COL16A1: variants seen among roughly 807,000 people sequenced by gnomAD.
The protein encoded by COL16A1 is collagen type XVI alpha 1 chain, also known as collagen alpha-1(XVI) chain.
COL16A1 carries 189 observed loss-of-function variants against 266.3 expected under a neutral mutation model. The ratio of observed to expected loss-of-function variants is 0.71; its 90% CI spans 0.63 to 0.80. The LOEUF is 0.80. Ranked by LOEUF, COL16A1 falls within the 30% of genes least tolerant of loss-of-function variation. COL16A1 has a pLI of 0.00. For missense variants in COL16A1, 1,928 were observed against 2,122.4 expected (o/e 0.91, Z 1.80); for synonymous variants, 740 against 782.3 (o/e 0.95, Z 0.90).
At chr1:31,701,451 G>A in intron 2 of COL16A1, 3 of 985,396 alleles carry the variant, frequency 3.0e-6, no homozygotes, top group South Asian at 9.4e-5. Flanking sequence ...CTGGGTTTGG[G>A]TCCTAGGAGT....
At chr1:31,683,311 C>A in intron 35 of COL16A1, 23 bp downstream of exon 35, 2 of 1,614,218 alleles carry the variant, frequency 1.2e-6, no homozygotes, top group Non-Finnish European at 1.7e-6. Context: ...TGCTATCCTC[C>A]TTCAGGACTC....
At position 31,672,814 on chromosome 1, in the gene COL16A1, C is replaced by A. The variant is rs745890712; in HGVS notation, c.2886G>T (p.Gly962=). The A allele has an allele frequency of 6.2e-7, 1 of 1,614,066 alleles. No homozygotes were observed. Among genetic ancestry groups the A allele is most frequent in the South Asian group, 1.1e-5 (1 of 91,076 alleles). ...LKSICGDCVQ[G]QRAHPGYLVE... The stretch of plus-strand genomic sequence containing the variant: ...CGAGGTACCCTGGGTGGGCCCTCTG[C>A]CCCTGGACACAGTCCCCGCAGATAC... Residue 962 remains glycine (G), a synonymous_variant, in exon 45 of 71, where the codon GGG becomes GGT. Coordinates refer to ENST00000373672, the MANE Select transcript of COL16A1 (RefSeq NM_001856.4).
In COL16A1 at chr1:31,670,250, G is replaced by T. The variant is rs893752149; in HGVS notation, c.3195+352C>A. 3.6e-6 allele frequency: 1 copy of T among 274,284 alleles called. No homozygotes were observed. The highest frequency in any genetic ancestry group is 2.2e-5 in the African/African-American group (1 of 45,264). 17.0% of individuals were successfully genotyped at this position (274,284 alleles called of 1,614,324 possible). The stretch of plus-strand genomic sequence containing the variant: ...AGAGCGAGAAGGCAGGAATGGAGGG[G>T]CCCCCTAGAGGCACCAGCTTAAGAG... On this transcript the variant is annotated intron_variant, in intron 49 of 70. Coordinates refer to ENST00000373672, the MANE Select transcript of COL16A1 (RefSeq NM_001856.4). The surrounding 1 kb of genome is among the most constrained non-coding windows in gnomAD (Gnocchi z 4.5).
At chr1:31,658,341 C>A in intron 64 of COL16A1, 147 bp downstream of exon 64, 1 of 723,912 alleles carries the variant, frequency 1.4e-6, no homozygotes, top group Non-Finnish European at 2.4e-6. Context: ...TCAGCATGAT[C>A]CTCAGGCCCG....
Position 31,690,800 on chromosome 1 carries a change from A to C in COL16A1, c.1438-227T>G, listed in dbSNP as rs144905507. ...AAATGAAGCTTCTGTGTGCCCCTTC[A>C]CTGGTGCACAGGTTAAGAGGTGATC... On this transcript the variant is annotated intron_variant, in intron 20 of 70. Transcript: ENST00000373672. 2.7e-4 allele frequency among the ~76,000 whole-genome samples: 41 copies of C among 152,228 alleles called. No homozygotes were observed. In the East Asian group the frequency reaches 7.7e-3, roughly 29 times the overall value.
intron 26 of COL16A1, among the ~76,000 whole-genome samples, chr1:31,686,956 C>T (rs1264282311): frequency 2.0e-5 from 3 of 152,098 alleles, no homozygotes; most frequent in South Asian, 4.1e-4. Context: ...GGGGAAGAAG[C>T]GGATGAATTT....
intron 1 of COL16A1, among the ~76,000 whole-genome samples, chr1:31,703,370 C>T (rs1297971686): frequency 6.6e-6 from 1 of 152,176 alleles, no homozygotes; most frequent in Non-Finnish European, 1.5e-5. Context: ...CTCCAGCCCC[C>T]TTCTCCCTGG....
At chr1:31,703,306 G>A (rs1169741692) in intron 1 of COL16A1, among the ~76,000 whole-genome samples, 1 of 152,066 alleles carries the variant, frequency 6.6e-6, no homozygotes, top group Non-Finnish European at 1.5e-5. Context: ...CTCAATCATG[G>A]ATAGGAAATG....
At position 31,658,900 on chromosome 1, in the gene COL16A1, A is replaced by G; in HGVS notation, c.3930+14T>C. 1.3e-6 allele frequency: 2 copies of G among 1,552,336 alleles called. No individual in the cohort carries two copies. The highest frequency in any genetic ancestry group is 1.7e-6 in the Non-Finnish European group (2 of 1,147,380). ...ACTCCTGGGAGGGAGGAAGGAGTGG[A>G]GCATGTTACTCACCACTGCAGAGAT... is the stretch of plus-strand genomic sequence containing the variant. On this transcript the variant is annotated intron_variant, in intron 63 of 70. Coordinates refer to ENST00000373672, the MANE Select transcript of COL16A1 (RefSeq NM_001856.4).
At chr1:31,659,013 C>A in intron 62 of COL16A1, 49 bp from the exon 63 acceptor site, 1 of 1,524,844 alleles carries the variant, frequency 6.6e-7, no homozygotes, top group Non-Finnish European at 8.9e-7. Flanking sequence ...AATAGTAAGA[C>A]CCCTGGGAGG....
At chr1:31,687,414 G>GACAC (rs143135979) in intron 26 of COL16A1, among the ~76,000 whole-genome samples, 1,904 of 140,558 alleles carry the variant, frequency 0.014, 27 homozygotes, top group African/African-American at 0.035. Context: ...ACAACGCACA[G>GACAC]ACACACACAC....
chr1:31,685,922 A>G lies in COL16A1; in HGVS notation c.1885-152T>C, dbSNP rs1461176941. Reference sequence around the variant, plus strand: ...TTGGGAAAGATGAAGGGAGAACAGGAAAGAAACAAAGGTGGAGCTGAGTCA... The same window carrying G: ...TTGGGAAAGATGAAGGGAGAACAGGGAAGAAACAAAGGTGGAGCTGAGTCA... On this transcript the variant is annotated intron_variant, in intron 28 of 70. Transcript: ENST00000373672. The surrounding 1 kb of genome is among the most constrained non-coding windows in gnomAD (Gnocchi z 4.0). 3.3e-6 allele frequency: 5 copies of G among 1,495,458 alleles called. No individual in the cohort carries two copies. The East Asian group carries it at 1.1e-4, about 34-fold the overall frequency. 92.6% of individuals were successfully genotyped at this position (1,495,458 alleles called of 1,614,324 possible).
chr1:31,694,725 A>G (rs1644419357), intron 11 of COL16A1, among the ~76,000 whole-genome samples: 1 of 152,010 alleles, frequency 6.6e-6, no homozygotes, highest in South Asian at 2.1e-4. Context: ...GCCCTTCTGG[A>G]CCCCCATAGG....
Position 31,656,191 on chromosome 1 carries a change from T to G in COL16A1, c.4101+209A>C. Reference sequence around the variant, plus strand: ...ATGAATCAATCAGTCAATCAGTGAGTAAATGAACTGGAGATTTCCTTCCCC... The same window carrying G: ...ATGAATCAATCAGTCAATCAGTGAGGAAATGAACTGGAGATTTCCTTCCCC... On this transcript the variant is annotated intron_variant, in intron 66 of 70. Coordinates refer to ENST00000373672, the MANE Select transcript of COL16A1 (RefSeq NM_001856.4). This position sits in a 1 kb window ranked among gnomAD's most constrained non-coding sequence, Gnocchi z 4.2. The G allele has an allele frequency of 1.4e-6, 1 of 732,586 alleles. No individual in the cohort carries two copies. The highest frequency in any genetic ancestry group is 1.8e-5 in the African/African-American group (1 of 55,786). The allele number at this position is 732,586 out of a possible 1,614,324, so 45.4% of individuals were successfully genotyped here.
rs186523303 is a variant in COL16A1, at chr1:31,674,750, G to A, written c.2859+257C>T. Among the ~76,000 whole-genome samples the A allele has an allele frequency of 2.0e-5, 3 of 152,282 alleles. No homozygotes were observed. In the East Asian group the frequency reaches 5.8e-4, roughly 29 times the overall value. ...GCCAGCTGCTGCGGGCAGGCTTCAG[G>A]GCTGGGTTCTGCCGACAGCATCTGC... On this transcript the variant is annotated intron_variant, in intron 44 of 70. Transcript: ENST00000373672.
In COL16A1 at chr1:31,698,191, G is replaced by C; in HGVS notation, c.391-19C>G. The C allele has an allele frequency of 6.2e-7, 1 of 1,612,654 alleles. No homozygotes were observed. Among genetic ancestry groups the C allele is most frequent in the East Asian group, 2.2e-5 (1 of 44,860 alleles). ...GGGATATCTGGGTAGAATTTGGAAA[G>C]GGAAAGGACAGAGATTCAGAGCTCC... On this transcript the variant is annotated intron_variant, in intron 5 of 70. Coordinates refer to ENST00000373672, the MANE Select transcript of COL16A1 (RefSeq NM_001856.4). The surrounding 1 kb of genome is among the most constrained non-coding windows in gnomAD (Gnocchi z 4.1).
intron 4 of COL16A1, 73 bp downstream of exon 4, chr1:31,699,740 C>T (rs1469950495): frequency 2.0e-6 from 2 of 994,546 alleles, no homozygotes; most frequent in African/African-American, 3.2e-5. Context: ...GGGCTTAAGC[C>T]CCACATCTGG....
intron 37 of COL16A1, 27 bp from the exon 38 acceptor site, chr1:31,681,094 G>C (rs770695601): frequency 2.5e-6 from 4 of 1,598,666 alleles, no homozygotes; most frequent in Non-Finnish European, 3.4e-6. Context: ...CAGAGTCAGA[G>C]GGTGAGACTG....
At position 31,681,057 on chromosome 1, in the gene COL16A1, C is replaced by G. The variant is rs1643602512; in HGVS notation, c.2549G>C (p.Gly850Ala). The G allele has an allele frequency of 6.2e-7, 1 of 1,612,700 alleles. No individual in the cohort carries two copies. Among genetic ancestry groups the G allele is most frequent in the Non-Finnish European group, 8.5e-7 (1 of 1,179,480 alleles). ...TCTGAGTCCCGTCTGTCCTTGCTGC[C>G]CATCACGGCCCTGAAGAGAGAGAGC... ...ASVSGPPGRD[G>A]QQGQTGLRGT... Residue 850 changes from glycine (G) to alanine (A), a missense_variant, in exon 38 of 71, where the codon GGG becomes GCG. Transcript: ENST00000373672.
Sources: allele counts gnomAD v4.1 joint callset (sites outside exome capture counted in the v4.1 genomes callset), GRCh38; gene constraint gnomAD v4.1.1; non-coding constraint Gnocchi (gnomAD v3.1); transcripts MANE v1.5; gene names NCBI Gene and HGNC (gene_info 2026-07-23, HGNC 2026-07-21).